ARL8B: variants seen among roughly 807,000 people sequenced by gnomAD.
ARL8B encodes the protein ARF like GTPase 8B, also known as ADP-ribosylation factor-like protein 8B.
A neutral mutation model predicts 30.6 loss-of-function variants in ARL8B; 9 were observed. The observed-to-expected ratio is 0.29, with a 90% CI of 0.18 to 0.51. ARL8B has a LOEUF of 0.51. ARL8B is among the 20% of genes least tolerant of loss of function. The pLI, the probability that ARL8B is intolerant of heterozygous loss-of-function variation, is 0.97. For synonymous variants in ARL8B, 74 were observed against 76.0 expected (o/e 0.97, Z 0.14); for missense variants, 130 against 227.2 (o/e 0.57, Z 2.75).
rs371486747 is a variant in ARL8B at position 5,153,815 on chromosome 3, G to A, written c.124-16688G>A. Among the ~76,000 whole-genome samples the A allele has an allele frequency of 2.3e-3, 350 of 152,146 alleles. 14 individuals carry two copies. In the South Asian group the frequency reaches 0.069, roughly 30 times the overall value. The stretch of plus-strand genomic sequence containing the variant: ...TCCTTTAACATTTCTTTTAGAGCAC[G>A]TCTGCTGGCTACAGATTTTAGTTTA... On this transcript the variant is annotated intron_variant, in intron 1 of 6. Coordinates refer to ENST00000256496, the MANE Select transcript of ARL8B (RefSeq NM_018184.3).
intron 1 of ARL8B, among the ~76,000 whole-genome samples, chr3:5,125,116 T>C (rs548828605): frequency 1.3e-5 from 2 of 152,296 alleles, no homozygotes; most frequent in African/African-American, 4.8e-5. Context: ...CTTAGCAGCC[T>C]TACATCCTCT....
At chr3:5,134,936 C>T (rs138330382) in intron 1 of ARL8B, among the ~76,000 whole-genome samples, 1 of 152,308 alleles carries the variant, frequency 6.6e-6, no homozygotes, top group East Asian at 1.9e-4. Flanking sequence ...CAACCTCCGC[C>T]TCCCAGGTTC....
chr3:5,155,169 T>C (rs2054520790), intron 1 of ARL8B, among the ~76,000 whole-genome samples: 1 of 152,244 alleles, frequency 6.6e-6, no homozygotes, highest in South Asian at 2.1e-4. Flanking sequence ...AAGGACGTTT[T>C]AGCTGAAAAT....
chr3:5,177,843 T>G (rs1352791414), intron 6 of ARL8B, among the ~76,000 whole-genome samples: 1 of 152,242 alleles, frequency 6.6e-6, no homozygotes, highest in African/African-American at 2.4e-5. Flanking sequence ...TTGCTCGTAT[T>G]GTGCACTGTT....
intron 1 of ARL8B, among the ~76,000 whole-genome samples, chr3:5,140,557 G>GTT (rs1400720478): frequency 5.2e-5 from 7 of 133,462 alleles, no homozygotes; most frequent in Non-Finnish European, 1.1e-4. Context: ...ACACCTTCTT[G>GTT]GTTTTTTTTT....
intron 1 of ARL8B, among the ~76,000 whole-genome samples, chr3:5,147,924 A>G (rs1202644872): frequency 1.3e-5 from 2 of 150,230 alleles, no homozygotes; most frequent in African/African-American, 2.5e-5. Flanking sequence ...TTTGTGTCCT[A>G]GGAGTGGACT....
chr3:5,164,522 C>T (rs955112076), intron 1 of ARL8B, among the ~76,000 whole-genome samples: 4 of 152,150 alleles, frequency 2.6e-5, no homozygotes, highest in Non-Finnish European at 5.9e-5. Flanking sequence ...TAACATTTTA[C>T]CTCATTTGCT....
chr3:5,180,803 G>GAAGGTGATAGT lies in ARL8B; in HGVS notation c.*2093_*2094insGTGATAGTAAG, dbSNP rs59759123. On this transcript the variant is annotated 3_prime_UTR_variant, in exon 7 of 7. Transcript: ENST00000256496. ...ATGATGGAAGGTGCAGACTTTTTTG[G>GAAGGTGATAGT]AAGTTTCCGAGAGGAGGGTCTATAG... 6.6e-6 allele frequency: 1 copy of GAAGGTGATAGT among 152,136 alleles called. No individual in the cohort carries two copies. The highest frequency in any genetic ancestry group is 2.1e-4 in the South Asian group (1 of 4,822). The allele number at this position is 152,136 out of a possible 1,614,324, so 9.4% of individuals were successfully genotyped here.
At chr3:5,148,699 T>G (rs1055702453) in intron 1 of ARL8B, among the ~76,000 whole-genome samples, 1 of 152,170 alleles carries the variant, frequency 6.6e-6, no homozygotes, top group African/African-American at 2.4e-5. Flanking sequence ...GAATTAAAGC[T>G]TGGCACACCC....
chr3:5,135,203 T>C (rs972384332), intron 1 of ARL8B, among the ~76,000 whole-genome samples: 6 of 152,208 alleles, frequency 3.9e-5, no homozygotes, highest in Admixed American at 2.0e-4. Flanking sequence ...TCCTATTTTA[T>C]GTAATCATCC....
At chr3:5,130,098 A>G (rs555739035) in intron 1 of ARL8B, among the ~76,000 whole-genome samples, 72 of 152,278 alleles carry the variant, frequency 4.7e-4, no homozygotes, top group African/African-American at 1.7e-3. Flanking sequence ...TCCTGACCTC[A>G]GGTGATCTGC....
intron 1 of ARL8B, among the ~76,000 whole-genome samples, chr3:5,131,892 T>C (rs1293967241): frequency 6.6e-6 from 1 of 152,108 alleles, no homozygotes; most frequent in South Asian, 2.1e-4. Flanking sequence ...TGTCATTCTT[T>C]CCTTTTTTTG....
chr3:5,171,254 CT>C (rs1488376997), intron 2 of ARL8B, among the ~76,000 whole-genome samples: 1 of 152,144 alleles, frequency 6.6e-6, no homozygotes, highest in Non-Finnish European at 1.5e-5. Context: ...TGACTTGAGA[CT>C]TTAATGTAGC....
At position 5,128,646 on chromosome 3, in the gene ARL8B, A is replaced by G. The variant is rs149209192; in HGVS notation, c.123+6058A>G. On this transcript the variant is annotated intron_variant, in intron 1 of 6. Transcript: ENST00000256496. ...ATTGAACCTATAAAAAAGTTACTCA[A>G]ATATTATTAAAAAATTTTTTTTCTG... 797 of 218,010 alleles carry G rather than the reference A, an allele frequency of 3.7e-3. 16 individuals carry two copies. Among genetic ancestry groups the G allele is most frequent in the Admixed American group, 0.034 (581 of 16,906 alleles). The allele number at this position is 218,010 out of a possible 1,614,324, so 13.5% of individuals were successfully genotyped here.
chr3:5,137,703 G>T (rs1223588008), intron 1 of ARL8B, among the ~76,000 whole-genome samples: 1 of 152,120 alleles, frequency 6.6e-6, no homozygotes, highest in Non-Finnish European at 1.5e-5. Flanking sequence ...CTCCCAAAGT[G>T]TTGGGATTAC....
rs779176260 is a variant in ARL8B at position 5,122,409 on chromosome 3, G to C, written c.-57G>C. The C allele has an allele frequency of 2.5e-6, 4 of 1,607,560 alleles. No homozygotes were observed. In the South Asian group the frequency reaches 4.4e-5, roughly 18 times the overall value. ...CGGGCGGAGGCCCGCTCGTGTGGAAGTCGTCGACGCCGCCGCTCGTCCGTC... is the reference window on the plus strand; with the variant it reads ...CGGGCGGAGGCCCGCTCGTGTGGAACTCGTCGACGCCGCCGCTCGTCCGTC... On this transcript the variant is annotated 5_prime_UTR_variant, in exon 1 of 7. Transcript: ENST00000256496.
In ARL8B at chr3:5,122,321, C is replaced by G. The variant is rs543109571; in HGVS notation, c.-145C>G. The G allele has an allele frequency of 3.3e-6, 5 of 1,523,282 alleles. No homozygotes were observed. Among genetic ancestry groups the G allele is most frequent in the Non-Finnish European group, 4.4e-6 (5 of 1,136,608 alleles). The allele number at this position is 1,523,282 out of a possible 1,614,324, so 94.4% of individuals were successfully genotyped here. A position where few individuals can be genotyped will look rare whatever the true frequency, so the allele number is the denominator to read the frequency against. ...GATCCGCTCGGCTTCCTGGGTCTGGCTGCTGCCGCCCGCCGGTGTCCGCCC... is the reference window on the plus strand; with the variant it reads ...GATCCGCTCGGCTTCCTGGGTCTGGGTGCTGCCGCCCGCCGGTGTCCGCCC... On this transcript the variant is annotated 5_prime_UTR_variant, in exon 1 of 7. Transcript: ENST00000256496.
chr3:5,165,711 T>C (rs1477136440), intron 1 of ARL8B, among the ~76,000 whole-genome samples: 2 of 152,174 alleles, frequency 1.3e-5, no homozygotes, highest in Non-Finnish European at 2.9e-5. Context: ...ATTTTTCTAT[T>C]TGTCTTTTCA....
chr3:5,171,284 C>T (rs1314794567), intron 2 of ARL8B, among the ~76,000 whole-genome samples: 3 of 152,064 alleles, frequency 2.0e-5, no homozygotes, highest in African/African-American at 4.8e-5. Flanking sequence ...TAGTGTGATG[C>T]CCTACGGAGT....
Sources: gnomAD v4.1 joint callset for allele counts (sites outside exome capture counted in the v4.1 genomes callset) on GRCh38, gnomAD v4.1.1 for gene constraint, MANE v1.5 for transcripts, NCBI Gene and HGNC (gene_info 2026-07-23, HGNC 2026-07-21) for gene names.